Variants in BABAM2 observed in about 807,000 individuals in gnomAD.
BABAM2 encodes BRISC and BRCA1 A complex member 2, also known as BRISC and BRCA1-A complex member 2.
BABAM2 carries 31 observed loss-of-function variants against 54.7 expected under a neutral mutation model. That is an observed-to-expected ratio of 0.57 (90% CI 0.43 to 0.77). The LOEUF (loss-of-function observed/expected upper bound fraction) is 0.77. BABAM2 is among the 30% of genes least tolerant of loss of function. The probability of loss-of-function intolerance (pLI) is 0.00; values close to 1 mark genes in which losing one functional copy is unlikely to be tolerated. For missense variants in BABAM2, 364 were observed against 455.8 expected, an observed-to-expected ratio of 0.80 and a Z score of 1.83; for synonymous variants, 167 against 162.9, an observed-to-expected ratio of 1.03 and a Z score of -0.19.
rs538684860 is a variant in BABAM2 at position 28,025,426 on chromosome 2, G to T, written c.495+6G>T. 6.4e-7 allele frequency: 1 copy of T among 1,554,408 alleles called. No individual in the cohort carries two copies. The highest frequency in any genetic ancestry group is 2.3e-5 in the East Asian group (1 of 43,728). On this transcript the variant is annotated splice_donor_region_variant and intron_variant, in intron 5 of 11. Coordinates refer to ENST00000379624, the MANE Select transcript of BABAM2 (RefSeq NM_199191.3). Reference sequence around the variant, plus strand: ...CTGGGAAAAAAAACAACTGGGTAAGGATTTTTGAGAATGGAAAAAAAGATG... The same window carrying T: ...CTGGGAAAAAAAACAACTGGGTAAGTATTTTTGAGAATGGAAAAAAAGATG...
At chr2:28,316,850 C>T (rs1325416492) in intron 11 of BABAM2, among the ~76,000 whole-genome samples, 2 of 152,150 alleles carry the variant, frequency 1.3e-5, no homozygotes, top group Non-Finnish European at 2.9e-5. Context: ...AAGATAATCT[C>T]GCTGCTTCAC....
chr2:28,076,595 G>C (rs1233832773), intron 6 of BABAM2, among the ~76,000 whole-genome samples: 1 of 151,790 alleles, frequency 6.6e-6, no homozygotes, highest in Non-Finnish European at 1.5e-5. Context: ...TCCCGGGTTC[G>C]TGCCATTCTC....
At chr2:28,246,709 T>C (rs1356559857) in intron 10 of BABAM2, among the ~76,000 whole-genome samples, 2 of 152,214 alleles carry the variant, frequency 1.3e-5, no homozygotes, top group African/African-American at 4.8e-5. Context: ...TCAGATCATA[T>C]CAGAATAAGG....
At chr2:28,089,823 A>G (rs1284996656) in intron 6 of BABAM2, among the ~76,000 whole-genome samples, 2 of 152,172 alleles carry the variant, frequency 1.3e-5, no homozygotes, top group African/African-American at 4.8e-5. Flanking sequence ...GTGTCCACAA[A>G]TTACCTTCAA....
chr2:28,035,740 T>C (rs2148590222), intron 5 of BABAM2, among the ~76,000 whole-genome samples: 1 of 152,310 alleles, frequency 6.6e-6, no homozygotes, highest in African/African-American at 2.4e-5. Context: ...TTGCTTACAA[T>C]AGCTTATATT....
chr2:27,978,408 C>T (rs1301497394), intron 3 of BABAM2, among the ~76,000 whole-genome samples: 3 of 152,148 alleles, frequency 2.0e-5, no homozygotes, highest in African/African-American at 7.2e-5. Flanking sequence ...ATAAATTATC[C>T]AGTCCTCGGT....
At chr2:28,014,051 G>A (rs1396274854) in intron 4 of BABAM2, among the ~76,000 whole-genome samples, 1 of 152,042 alleles carries the variant, frequency 6.6e-6, no homozygotes, top group Non-Finnish European at 1.5e-5. Flanking sequence ...AAAAACAAAG[G>A]GACATACTTT....
intron 7 of BABAM2, among the ~76,000 whole-genome samples, chr2:28,203,964 T>G (rs1416360453): frequency 6.6e-6 from 1 of 152,244 alleles, no homozygotes; most frequent in Non-Finnish European, 1.5e-5. Context: ...GCCAATACTT[T>G]GTATTACCCA....
intron 11 of BABAM2, among the ~76,000 whole-genome samples, chr2:28,328,468 C>T (rs1464883504): frequency 6.6e-6 from 1 of 152,158 alleles, no homozygotes; most frequent in Non-Finnish European, 1.5e-5. Context: ...GGCTGTGTCC[C>T]TGAACCACTT....
At chr2:28,122,827 G>T (rs114898983) in intron 6 of BABAM2, among the ~76,000 whole-genome samples, 2,075 of 151,306 alleles carry the variant, frequency 0.014, 40 homozygotes, top group African/African-American at 0.047. Flanking sequence ...AGCCTCAATT[G>T]AGAATAGTTA....
Position 28,322,263 on chromosome 2 carries a change from G to A in BABAM2, c.1089-16187G>A, listed in dbSNP as rs533116378. ...CGGTGCACAAGTGTCCCTGAACTTC[G>A]GTGAAGTATGAGCCACCAAGCTCCG... is the stretch of plus-strand genomic sequence containing the variant. On this transcript the variant is annotated intron_variant, in intron 11 of 11. Transcript: ENST00000379624. The surrounding 1 kb of genome is among the most constrained non-coding windows in gnomAD (Gnocchi z 4.1). 4.0e-4 allele frequency among the ~76,000 whole-genome samples: 61 copies of A among 152,140 alleles called. No individual in the cohort carries two copies. Among genetic ancestry groups the A allele is most frequent in the Non-Finnish European group, 8.1e-4 (55 of 68,044 alleles).
chr2:28,146,458 T>A (rs968329027), intron 7 of BABAM2, among the ~76,000 whole-genome samples: 6 of 152,092 alleles, frequency 3.9e-5, no homozygotes, highest in Admixed American at 3.3e-4. Flanking sequence ...ATACAAATTA[T>A]CAGCCTAAAA....
intron 7 of BABAM2, among the ~76,000 whole-genome samples, chr2:28,236,980 T>C (rs1681975146): frequency 6.6e-6 from 1 of 152,226 alleles, no homozygotes; most frequent in Middle Eastern, 3.2e-3. Context: ...TAATTTGTAC[T>C]GTTGTGTGTT....
intron 11 of BABAM2, among the ~76,000 whole-genome samples, chr2:28,331,395 G>A (rs1280066077): frequency 2.0e-5 from 3 of 152,096 alleles, no homozygotes; most frequent in Non-Finnish European, 2.9e-5. Flanking sequence ...CCTACACAAT[G>A]GGAGAAAAAT....
chr2:28,130,749 G>C (rs1295027889), intron 7 of BABAM2, among the ~76,000 whole-genome samples: 14 of 150,070 alleles, frequency 9.3e-5, no homozygotes, highest in Non-Finnish European at 2.1e-4. Flanking sequence ...TTGTTTGTTT[G>C]TTTGTTTTGA....
chr2:28,228,190 G>A (rs1169204226), intron 7 of BABAM2, among the ~76,000 whole-genome samples: 1 of 152,200 alleles, frequency 6.6e-6, no homozygotes, highest in Non-Finnish European at 1.5e-5. Context: ...GCTACCTACA[G>A]ATTGACTTCT....
intron 9 of BABAM2, among the ~76,000 whole-genome samples, chr2:28,241,656 A>G (rs142594193): frequency 0.022 from 3,353 of 152,142 alleles, 103 homozygotes; most frequent in African/African-American, 0.077. Context: ...CACCACACCC[A>G]GCAAATTTTT....
chr2:28,211,874 C>T (rs1296633546), intron 7 of BABAM2, among the ~76,000 whole-genome samples: 1 of 152,130 alleles, frequency 6.6e-6, no homozygotes. Context: ...TCTTTACTGC[C>T]ATTTAACTCA....
chr2:28,313,951 A>C (rs1689295022), intron 11 of BABAM2, among the ~76,000 whole-genome samples: 1 of 152,212 alleles, frequency 6.6e-6, no homozygotes, highest in African/African-American at 2.4e-5. Flanking sequence ...TAGTTCTTCT[A>C]ACAATCAAAA....
Sources: gnomAD v4.1 joint callset for allele counts (sites outside exome capture counted in the v4.1 genomes callset) on GRCh38, gnomAD v4.1.1 for gene constraint, Gnocchi (gnomAD v3.1) non-coding constraint, MANE v1.5 for transcripts, NCBI Gene and HGNC (gene_info 2026-07-23, HGNC 2026-07-21) for gene names.